Variants in INPP5B observed in about 807,000 individuals in gnomAD.
The protein encoded by INPP5B is type II inositol 1,4,5-trisphosphate 5-phosphatase.
In INPP5B, 90 loss-of-function variants were observed where a neutral mutation model predicts 118.5. The observed-to-expected ratio is 0.76, with a 90% CI of 0.64 to 0.90. The LOEUF (loss-of-function observed/expected upper bound fraction) is 0.90. Ranked by LOEUF, INPP5B falls within the 40% of genes least tolerant of loss-of-function variation. The pLI is 0.00. For synonymous variants in INPP5B, 385 were observed against 418.9 expected, an observed-to-expected ratio of 0.92 and a Z score of 0.99; for missense variants, 984 against 1,125.6, an observed-to-expected ratio of 0.87 and a Z score of 1.80.
At chr1:37,920,229 G>T (rs533249588) in intron 7 of INPP5B, among the ~76,000 whole-genome samples, 5 of 152,272 alleles carry the variant, frequency 3.3e-5, no homozygotes, top group African/African-American at 9.6e-5. Context: ...AAAACGAGAG[G>T]CTCAGAAAGC....
intron 7 of INPP5B, among the ~76,000 whole-genome samples, chr1:37,901,454 A>T (rs1337549765): frequency 1.3e-5 from 2 of 152,190 alleles, no homozygotes; most frequent in African/African-American, 4.8e-5. Context: ...CTGCTTCTGC[A>T]TGTCAGTGGT....
chr1:37,931,734 C>T (rs752036617), intron 7 of INPP5B, 179 bp downstream of exon 7: 3 of 1,576,788 alleles, frequency 1.9e-6, no homozygotes, highest in East Asian at 4.6e-5. Flanking sequence ...CTTCCTCAAG[C>T]TCCTCATCCC....
intron 7 of INPP5B, among the ~76,000 whole-genome samples, chr1:37,917,311 TATA>T (rs1644905593): frequency 7.8e-4 from 6 of 7,704 alleles, no homozygotes; most frequent in African/African-American, 1.2e-3. Context: ...AAAATAATTA[TATA>T]TATATATATA....
At chr1:37,917,308 TTATATATATA>T (rs368327131) in intron 7 of INPP5B, among the ~76,000 whole-genome samples, 25,908 of 92,658 alleles carry the variant, frequency 0.28, 4,599 homozygotes, top group Middle Eastern at 0.44. Flanking sequence ...AAAAAAATAA[TTATATATATA>T]TATATATATA....
chr1:37,871,923 G>A lies in INPP5B; in HGVS notation c.2187+1007C>T, dbSNP rs186387688. 7.9e-5 allele frequency among the ~76,000 whole-genome samples: 12 copies of A among 151,434 alleles called. No homozygotes were observed. In the East Asian group the frequency reaches 2.1e-3, roughly 27 times the overall value. ...AAAAAAAAAAAAAAATTAGCTGGGT[G>A]TGGTGGTGTGCATGCCTGTAGTCCC... is the stretch of plus-strand genomic sequence containing the variant. On this transcript the variant is annotated intron_variant, in intron 19 of 23. Coordinates refer to ENST00000373024, the MANE Select transcript of INPP5B (RefSeq NM_005540.3).
In INPP5B at chr1:37,922,506, T is replaced by C. The variant is rs572388215; in HGVS notation, c.532+9407A>G. Among the ~76,000 whole-genome samples, 3 of 151,728 alleles carry C rather than the reference T, an allele frequency of 2.0e-5. No individual in the cohort carries two copies. In the East Asian group the frequency reaches 5.9e-4, roughly 30 times the overall value. On this transcript the variant is annotated intron_variant, in intron 7 of 23. Transcript: ENST00000373024. The stretch of plus-strand genomic sequence containing the variant: ...GTCAGGAGATTGAGACCATTCTGGC[T>C]AACACGGTGAAACCCCATCTCTACT...
At chr1:37,944,346 T>G (rs1368532023) in intron 3 of INPP5B, among the ~76,000 whole-genome samples, 2 of 152,212 alleles carry the variant, frequency 1.3e-5, no homozygotes, top group Non-Finnish European at 2.9e-5. Context: ...TATTACTCTC[T>G]CTCTGCTTCT....
chr1:37,877,117 A>G (rs1299568587), intron 16 of INPP5B, among the ~76,000 whole-genome samples: 1 of 151,958 alleles, frequency 6.6e-6, no homozygotes, highest in Non-Finnish European at 1.5e-5. Flanking sequence ...CTGTAATCAC[A>G]GCACTTTGGG....
At chr1:37,916,985 T>C (rs1269779135) in intron 7 of INPP5B, among the ~76,000 whole-genome samples, 1 of 151,474 alleles carries the variant, frequency 6.6e-6, no homozygotes, top group Non-Finnish European at 1.5e-5. Flanking sequence ...CCAATATATA[T>C]TGAACACTTA....
At position 37,862,373 on chromosome 1, in the gene INPP5B, A is replaced by T. The variant is rs756853976; in HGVS notation, c.2684T>A (p.Met895Lys). The T allele has an allele frequency of 1.9e-6, 3 of 1,614,092 alleles. No individual in the cohort carries two copies. Among genetic ancestry groups the T allele is most frequent in the South Asian group, 1.1e-5 (1 of 91,086 alleles). The change falls in exon 24 of 24, where the codon ATG becomes AAG. Residue 895 changes from methionine to lysine, a missense_variant. Around this residue, in one of 2 missense-constraint regions of INPP5B, gnomAD observed 634 missense variants for 791.0 expected, o/e 0.80. Coordinates refer to ENST00000373024, the MANE Select transcript of INPP5B (RefSeq NM_005540.3). ...TTCTTGAGCCTTCTTCTTCTCTGTC[A>T]TATCAAGCTTTTGGTGACCAGCTGG... is the stretch of plus-strand genomic sequence containing the variant. ...RNPAGHQKLD[M>K]TEKKKAQEFI... is the part of the protein sequence containing the mutation.
Position 37,883,016 on chromosome 1 carries a change from T to G in INPP5B, c.1320-98A>C. On this transcript the variant is annotated intron_variant, in intron 13 of 23. Coordinates refer to ENST00000373024, the MANE Select transcript of INPP5B (RefSeq NM_005540.3). ...CAAAGGCCCCTGAGGCTCAGCCTCT[T>G]GGGAGGTGGGTGGGAAAATGGCTCA... 6.6e-6 allele frequency: 10 copies of G among 1,505,920 alleles called. No individual in the cohort carries two copies. Among genetic ancestry groups the G allele is most frequent in the Non-Finnish European group, 8.0e-6 (9 of 1,129,588 alleles). The allele number at this position is 1,505,920 out of a possible 1,614,324, so 93.3% of individuals were successfully genotyped here.
chr1:37,875,739 T>G (rs1462490623), intron 16 of INPP5B, 23 bp from the exon 17 acceptor site: 6 of 1,567,366 alleles, frequency 3.8e-6, no homozygotes, highest in African/African-American at 1.4e-5. Context: ...CATCAGAGAC[T>G]GAGTACCTTG....
chr1:37,926,181 G>C (rs2148648389), intron 7 of INPP5B, among the ~76,000 whole-genome samples: 1 of 152,302 alleles, frequency 6.6e-6, no homozygotes, highest in East Asian at 1.9e-4. Context: ...GATATAAATA[G>C]CATTCATTTC....
At chr1:37,872,745 C>T (rs1333233866) in intron 19 of INPP5B, among the ~76,000 whole-genome samples, 185 bp downstream of exon 19, 3 of 151,588 alleles carry the variant, frequency 2.0e-5, no homozygotes, top group Non-Finnish European at 2.9e-5. Context: ...AGCAATAACT[C>T]GGTGTTAAAA....
intron 15 of INPP5B, among the ~76,000 whole-genome samples, chr1:37,879,536 G>A (rs1194182321): frequency 2.0e-5 from 3 of 152,018 alleles, no homozygotes; most frequent in African/African-American, 7.2e-5. Context: ...GGGAGGCTGA[G>A]GCAGGCGGAT....
intron 7 of INPP5B, among the ~76,000 whole-genome samples, chr1:37,900,914 C>G (rs776294903): frequency 9.2e-5 from 14 of 151,922 alleles, no homozygotes; most frequent in Admixed American, 3.9e-4. Flanking sequence ...AAGGTTCAAG[C>G]GATTCTCCTG....
chr1:37,872,030 C>T (rs1482057420), intron 19 of INPP5B, among the ~76,000 whole-genome samples: 6 of 141,870 alleles, frequency 4.2e-5, no homozygotes, highest in Non-Finnish European at 9.1e-5. Flanking sequence ...AGCCACCGCA[C>T]TCCAGCCTGG....
intron 7 of INPP5B, among the ~76,000 whole-genome samples, chr1:37,904,831 C>T (rs142866378): frequency 0.02 from 3,063 of 151,120 alleles, 107 homozygotes; most frequent in African/African-American, 0.071. Flanking sequence ...GAGCCAAGAT[C>T]GTGCCACTGC....
chr1:37,898,160 G>A (rs1388083458), intron 7 of INPP5B, among the ~76,000 whole-genome samples: 1 of 152,116 alleles, frequency 6.6e-6, no homozygotes, highest in Non-Finnish European at 1.5e-5. Context: ...CTGAGTGAAG[G>A]AAGTCCATCT....
Sources: gnomAD v4.1 joint callset for allele counts (sites outside exome capture counted in the v4.1 genomes callset) on GRCh38, gnomAD v4.1.1 for gene constraint, gnomAD v4.1.1 regional missense constraint, MANE v1.5 for transcripts, NCBI Gene and HGNC (gene_info 2026-07-23, HGNC 2026-07-21) for gene names.